Variants in BLTP1 observed in about 807,000 individuals in gnomAD.
BLTP1 encodes fragile site-associated protein.
chr4:122,276,738 C>T, the BLTP1 span: 2 of 938,718 alleles, frequency 2.1e-6, no homozygotes, highest in Non-Finnish European at 2.5e-6. Flanking sequence ...ACTACTGCCT[C>T]CACCCTCTGG....
At chr4:122,243,032 T>C in the BLTP1 span, 1 of 1,612,336 alleles carries the variant, frequency 6.2e-7, no homozygotes, top group Non-Finnish European at 8.5e-7. Flanking sequence ...AATTCTTTGC[T>C]AGACAGAGGC....
chr4:122,163,628 T>G, the BLTP1 span, among the ~76,000 whole-genome samples: 1 of 152,224 alleles, frequency 6.6e-6, no homozygotes, highest in Admixed American at 6.5e-5. Flanking sequence ...TTCTAAATGC[T>G]TTACATCAAC....
At chr4:122,361,425 T>A in the BLTP1 span, among the ~76,000 whole-genome samples, 3 of 152,112 alleles carry the variant, frequency 2.0e-5, no homozygotes, top group Non-Finnish European at 4.4e-5. Flanking sequence ...CTAACCTGTT[T>A]AGGGGCTTGC....
the BLTP1 span, among the ~76,000 whole-genome samples, chr4:122,301,737 T>A: frequency 6.6e-6 from 1 of 152,206 alleles, no homozygotes; most frequent in Non-Finnish European, 1.5e-5. Context: ...TGACGAACAT[T>A]TTGTTTTTCT....
At chr4:122,230,349 C>T in the BLTP1 span, 1 of 688,734 alleles carries the variant, frequency 1.5e-6, no homozygotes, top group East Asian at 2.6e-5. Context: ...TGCTGCACCT[C>T]AATGAATATA....
chr4:122,268,014 A>T, the BLTP1 span, among the ~76,000 whole-genome samples: 3 of 152,150 alleles, frequency 2.0e-5, no homozygotes, highest in Non-Finnish European at 4.4e-5. Context: ...ATTTTAAATA[A>T]TTTAACAAAA....
the BLTP1 span, chr4:122,309,600 A>G: frequency 1.1e-6 from 1 of 874,702 alleles, no homozygotes; most frequent in East Asian, 2.7e-5. Flanking sequence ...TTCTAGTTAC[A>G]GGTAACAAAC....
chr4:122,277,257 C>A, the BLTP1 span: 1 of 311,636 alleles, frequency 3.2e-6, no homozygotes, highest in Non-Finnish European at 4.7e-6. Context: ...GGGAGGATCA[C>A]TTGAGCCCAA....
At chr4:122,305,664 TTATC>T in the BLTP1 span, 12 of 944,718 alleles carry the variant, frequency 1.3e-5, no homozygotes, top group South Asian at 4.9e-5. Context: ...TATATAAAGT[TTATC>T]TATGACTTCA....
At chr4:122,314,477 C>T in the BLTP1 span, among the ~76,000 whole-genome samples, 2 of 152,028 alleles carry the variant, frequency 1.3e-5, no homozygotes, top group African/African-American at 4.8e-5. Context: ...TGGTAATTGA[C>T]TAAGATGATA....
the BLTP1 span, among the ~76,000 whole-genome samples, chr4:122,159,281 G>A: frequency 6.6e-6 from 1 of 151,970 alleles, no homozygotes; most frequent in South Asian, 2.1e-4. Context: ...GGCTAACATG[G>A]TGAAACCCCG....
the BLTP1 span, chr4:122,250,958 G>C: frequency 2.0e-6 from 2 of 985,152 alleles, no homozygotes; most frequent in African/African-American, 3.5e-5. Flanking sequence ...ATTTTTGTCA[G>C]TGTTTGCTTA....
chr4:122,347,783 A>G, the BLTP1 span: 1 of 1,608,492 alleles, frequency 6.2e-7, no homozygotes, highest in South Asian at 1.1e-5. Flanking sequence ...CGAAGAGGTA[A>G]CACTGCTCTT....
chr4:122,257,366 A>G, the BLTP1 span: 2 of 1,614,146 alleles, frequency 1.2e-6, no homozygotes, highest in Non-Finnish European at 1.7e-6. Context: ...TAGCTTACAT[A>G]GACCAGCTCA....
the BLTP1 span, chr4:122,245,052 C>T: frequency 1.1e-5 from 17 of 1,611,732 alleles, no homozygotes; most frequent in African/African-American, 2.3e-4. Flanking sequence ...TGTGCTAGTA[C>T]CCGACATCCA....
chr4:122,185,205 G>A, the BLTP1 span: 1 of 982,872 alleles, frequency 1.0e-6, no homozygotes. Flanking sequence ...TAAAATCAGA[G>A]TTTTGTAAAC....
At chr4:122,185,982 C>CT in the BLTP1 span, 1 of 1,362,600 alleles carries the variant, frequency 7.3e-7, no homozygotes, top group Non-Finnish European at 1.0e-6. Flanking sequence ...TGAGTAAAAA[C>CT]TTTGAAGTTC....
the BLTP1 span, chr4:122,273,331 T>C: frequency 9.1e-6 from 9 of 984,598 alleles, no homozygotes; most frequent in Middle Eastern, 5.2e-4. Context: ...GATTATGTAC[T>C]TGGGATTGAC....
the BLTP1 span, chr4:122,211,101 A>C: frequency 6.2e-7 from 1 of 1,603,654 alleles, no homozygotes; most frequent in Non-Finnish European, 8.5e-7. Flanking sequence ...TAAAGGTATG[A>C]TTCTTAAAAA....
Sources: gnomAD v4.1 joint callset for allele counts (sites outside exome capture counted in the v4.1 genomes callset) on GRCh38, gnomAD v4.1.1 for gene constraint, MANE v1.5 for transcripts, NCBI Gene and HGNC (gene_info 2026-07-23, HGNC 2026-07-21) for gene names.